Variants in MYO5B observed in about 807,000 individuals in gnomAD.
MYO5B encodes the protein unconventional myosin-Vb.
MYO5B carries 143 observed loss-of-function variants against 229.3 expected under a neutral mutation model. That is an observed-to-expected ratio of 0.62 (90% confidence interval 0.54 to 0.72). The LOEUF is 0.72. Among genes scored for constraint, MYO5B ranks in the 30% least tolerant of loss-of-function variants. The probability of loss-of-function intolerance (pLI) is 0.00; values close to 1 mark genes in which losing one functional copy is unlikely to be tolerated. For missense variants in MYO5B, 2,321 were observed against 2,331.0 expected (o/e 1.00, Z 0.09); for synonymous variants, 918 against 885.2 (o/e 1.04, Z -0.66).
intron 1 of MYO5B, among the ~76,000 whole-genome samples, chr18:50,060,137 T>G (rs1002532532): frequency 6.6e-6 from 1 of 152,198 alleles, no homozygotes; most frequent in Non-Finnish European, 1.5e-5. Flanking sequence ...AAAAGCCAAA[T>G]TGTTCACTTT....
At chr18:49,882,276 AC>A (rs2024594993) in intron 22 of MYO5B, among the ~76,000 whole-genome samples, 1 of 152,118 alleles carries the variant, frequency 6.6e-6, no homozygotes, top group African/African-American at 2.4e-5. Flanking sequence ...GGCAAAGACA[AC>A]AAGTTTCACA....
intron 22 of MYO5B, among the ~76,000 whole-genome samples, chr18:49,884,382 A>C (rs2024621026): frequency 6.6e-6 from 1 of 152,058 alleles, no homozygotes; most frequent in African/African-American, 2.4e-5. Context: ...ATTACATTGT[A>C]ATATACAATT....
At chr18:49,904,505 C>T (rs1279960579) in intron 20 of MYO5B, among the ~76,000 whole-genome samples, 167 bp downstream of exon 20, 2 of 152,176 alleles carry the variant, frequency 1.3e-5, no homozygotes, top group African/African-American at 2.4e-5. Context: ...GTATGCACAC[C>T]CTTCCTACCT....
rs999247228 is a variant in MYO5B at position 50,055,382 on chromosome 18, A to G, written c.28-4T>C. ...CAGGGATCCAGACCCTTGTGCACTGAAAGATTAAAACAGAAGAAACTTAGA... is the reference window on the plus strand; with the variant it reads ...CAGGGATCCAGACCCTTGTGCACTGGAAGATTAAAACAGAAGAAACTTAGA... On this transcript the variant is annotated splice_region_variant and splice_polypyrimidine_tract_variant and intron_variant, in intron 1 of 39. Transcript: ENST00000285039. 1.2e-6 allele frequency: 2 copies of G among 1,610,902 alleles called. No individual in the cohort carries two copies. Among genetic ancestry groups the G allele is most frequent in the Admixed American group, 1.7e-5 (1 of 60,008 alleles).
Position 49,877,823 on chromosome 18 carries a change from A to G in MYO5B, c.3336T>C (p.Asn1112=). The G allele has an allele frequency of 6.2e-7, 1 of 1,614,088 alleles. No individual in the cohort carries two copies. The highest frequency in any genetic ancestry group is 8.5e-7 in the Non-Finnish European group (1 of 1,179,994). ...SNQSSLESDS[N]YPSISTSEIG... ...TCTCAGATGTGGAGATGGAGGGGTA[A>G]TTGGAGTCAGATTCTAAGCTACTTT... The change falls in exon 25 of 40, where the codon AAT becomes AAC. Residue 1112 remains asparagine, a synonymous_variant. Coordinates refer to ENST00000285039, the MANE Select transcript of MYO5B (RefSeq NM_001080467.3).
At chr18:50,081,137 C>T (rs1023688840) in intron 1 of MYO5B, among the ~76,000 whole-genome samples, 7 of 152,122 alleles carry the variant, frequency 4.6e-5, no homozygotes, top group African/African-American at 1.4e-4. Flanking sequence ...CTTTCCCTTC[C>T]TCCTCCTTCA....
At chr18:49,929,395 G>C in intron 17 of MYO5B, 117 bp downstream of exon 17, 1 of 796,138 alleles carries the variant, frequency 1.3e-6, no homozygotes, top group South Asian at 1.6e-5. Context: ...CTCAATGTTT[G>C]GGAACCGTTT....
chr18:50,193,223 G>C (rs1372748188), intron 1 of MYO5B, among the ~76,000 whole-genome samples: 1 of 152,218 alleles, frequency 6.6e-6, no homozygotes, highest in African/African-American at 2.4e-5. Flanking sequence ...GAGGGGTGGG[G>C]TGCCGTTCCA....
intron 17 of MYO5B, among the ~76,000 whole-genome samples, chr18:49,928,369 C>A (rs915452208): frequency 6.6e-6 from 1 of 152,194 alleles, no homozygotes; most frequent in Non-Finnish European, 1.5e-5. Flanking sequence ...TTGGGCCAGG[C>A]ATGGTGGCTC....
chr18:50,171,593 C>G (rs1463626351), intron 1 of MYO5B, among the ~76,000 whole-genome samples: 1 of 128,242 alleles, frequency 7.8e-6, no homozygotes, highest in Non-Finnish European at 1.7e-5. Context: ...TTACTATGCT[C>G]TGGATATAAG....
chr18:50,145,951 A>G (rs1424227359), intron 1 of MYO5B, among the ~76,000 whole-genome samples: 1 of 152,224 alleles, frequency 6.6e-6, no homozygotes, highest in African/African-American at 2.4e-5. Flanking sequence ...CCAAAAACGG[A>G]TACATTTCGA....
chr18:50,163,955 G>A (rs984157106), intron 1 of MYO5B, among the ~76,000 whole-genome samples: 1 of 151,854 alleles, frequency 6.6e-6, no homozygotes, highest in Non-Finnish European at 1.5e-5. Context: ...TTAGCCATTA[G>A]GTAGGAATGT....
intron 34 of MYO5B, 100 bp downstream of exon 34, chr18:49,843,141 A>G (rs2024080338): frequency 1.4e-6 from 2 of 1,474,480 alleles, no homozygotes; most frequent in South Asian, 1.2e-5. Context: ...GAGCCCTAGG[A>G]GCATTCACTA....
chr18:50,073,557 T>C (rs2031009014), intron 1 of MYO5B, among the ~76,000 whole-genome samples: 2 of 152,310 alleles, frequency 1.3e-5, no homozygotes, highest in South Asian at 4.1e-4. Context: ...CTTCTGTGCA[T>C]GTAACATAAT....
chr18:50,122,019 G>C (rs2032065623), intron 1 of MYO5B, among the ~76,000 whole-genome samples: 1 of 152,184 alleles, frequency 6.6e-6, no homozygotes, highest in Non-Finnish European at 1.5e-5. Flanking sequence ...AGTCAAATAG[G>C]CAGGACTGAA....
intron 12 of MYO5B, among the ~76,000 whole-genome samples, chr18:49,959,263 G>T (rs2025530195): frequency 1.3e-5 from 2 of 152,176 alleles, no homozygotes; most frequent in Non-Finnish European, 2.9e-5. Context: ...ACCCTCTCAA[G>T]AAGTGCTGAC....
chr18:50,099,113 A>G (rs1473796412), intron 1 of MYO5B: 2 of 152,420 alleles, frequency 1.3e-5, no homozygotes, highest in Admixed American at 6.5e-5. Context: ...TCTTCTGACC[A>G]TGAATTCAAT....
At chr18:50,125,831 G>C (rs1002729206) in intron 1 of MYO5B, among the ~76,000 whole-genome samples, 1 of 152,154 alleles carries the variant, frequency 6.6e-6, no homozygotes, top group African/African-American at 2.4e-5. Flanking sequence ...CCTTAAAAGG[G>C]AAGGAAATTC....
At chr18:50,029,144 T>C (rs888218548) in intron 4 of MYO5B, among the ~76,000 whole-genome samples, 1 of 152,204 alleles carries the variant, frequency 6.6e-6, no homozygotes, top group African/African-American at 2.4e-5. Flanking sequence ...ATATGATAGG[T>C]AGACACAAAC....
Sources: gnomAD v4.1 joint callset for allele counts (sites outside exome capture counted in the v4.1 genomes callset) on GRCh38, gnomAD v4.1.1 for gene constraint, MANE v1.5 for transcripts, NCBI Gene and HGNC (gene_info 2026-07-23, HGNC 2026-07-21) for gene names.